The following CCDC192 variants were observed in gnomAD, a reference collection of about 807,000 sequenced individuals.
CCDC192 encodes the protein coiled-coil domain containing 192.
At chr5:127,940,151 C>T (rs941113162) in intron 6 of CCDC192, among the ~76,000 whole-genome samples, 3 of 152,142 alleles carry the variant, frequency 2.0e-5, no homozygotes, top group Admixed American at 2.0e-4. Flanking sequence ...TTTGTGGAAC[C>T]TCTCTCTGTC....
At chr5:127,778,373 T>C (rs1016558031) in intron 3 of CCDC192, among the ~76,000 whole-genome samples, 1 of 152,218 alleles carries the variant, frequency 6.6e-6, no homozygotes, top group Non-Finnish European at 1.5e-5. Context: ...GAATTGACCA[T>C]GTAGTATTTT....
intron 5 of CCDC192, among the ~76,000 whole-genome samples, chr5:127,800,376 G>GGAAA (rs1479336479): frequency 1.0e-4 from 2 of 19,512 alleles, no homozygotes; most frequent in Admixed American, 8.9e-4. Context: ...GAGGTATTCT[G>GGAAA]AAAAAAAAAA....
At chr5:127,752,762 G>T (rs1384177922) in intron 2 of CCDC192, among the ~76,000 whole-genome samples, 1 of 152,206 alleles carries the variant, frequency 6.6e-6, no homozygotes, top group African/African-American at 2.4e-5. Flanking sequence ...AGCAGTCAGC[G>T]AGACTCCGTG....
chr5:127,805,627 T>C (rs1460569814), intron 5 of CCDC192, among the ~76,000 whole-genome samples: 1 of 152,234 alleles, frequency 6.6e-6, no homozygotes, highest in Non-Finnish European at 1.5e-5. Flanking sequence ...ATTCTCTTAG[T>C]GCCACATGTA....
At chr5:127,742,536 G>C (rs1753481976) in intron 2 of CCDC192, among the ~76,000 whole-genome samples, 1 of 152,152 alleles carries the variant, frequency 6.6e-6, no homozygotes, top group Admixed American at 6.5e-5. Context: ...TTCTGGAAAG[G>C]TCACCTGATA....
chr5:127,824,106 A>G (rs919999768), intron 5 of CCDC192, among the ~76,000 whole-genome samples: 4 of 152,218 alleles, frequency 2.6e-5, no homozygotes, highest in African/African-American at 9.6e-5. Flanking sequence ...CCTTAGGGAA[A>G]TATTAGGCCT....
chr5:127,768,187 G>A (rs1056697179), intron 3 of CCDC192, among the ~76,000 whole-genome samples: 15 of 152,044 alleles, frequency 9.9e-5, no homozygotes, highest in African/African-American at 3.1e-4. Flanking sequence ...AGGAGGCAGA[G>A]GTTGCAATGA....
intron 5 of CCDC192, among the ~76,000 whole-genome samples, chr5:127,815,049 G>C (rs1748932646): frequency 1.3e-5 from 2 of 152,050 alleles, no homozygotes; most frequent in Admixed American, 6.6e-5. Flanking sequence ...ATGACAGAAG[G>C]ATCTCTCTCT....
rs544565639 is a variant in CCDC192 at position 127,846,661 on chromosome 5, G to T, written c.412-28877G>T. Reference sequence around the variant, plus strand: ...ATTTTTGTATTTCTAGTAGAAACAGGGTTTCATCATGTTGGCCAGGCTAGT... The same window carrying T: ...ATTTTTGTATTTCTAGTAGAAACAGTGTTTCATCATGTTGGCCAGGCTAGT... On this transcript the variant is annotated intron_variant, in intron 5 of 6. Transcript: ENST00000514853. 5.9e-5 allele frequency among the ~76,000 whole-genome samples: 9 copies of T among 151,748 alleles called. No homozygotes were observed. The South Asian group carries it at 1.9e-3, about 32-fold the overall frequency.
intron 2 of CCDC192, among the ~76,000 whole-genome samples, chr5:127,751,298 A>T (rs1240566890): frequency 6.6e-6 from 1 of 151,842 alleles, no homozygotes; most frequent in East Asian, 1.9e-4. Flanking sequence ...GAGCTCTTTT[A>T]GGGCAGGCCT....
chr5:127,847,921 C>T (rs776039584), intron 5 of CCDC192, among the ~76,000 whole-genome samples: 8 of 152,046 alleles, frequency 5.3e-5, no homozygotes, highest in Admixed American at 2.6e-4. Context: ...CTCAGCTTCC[C>T]GAACAGTTGG....
At chr5:127,751,397 A>T (rs1754161013) in intron 2 of CCDC192, among the ~76,000 whole-genome samples, 2 of 151,958 alleles carry the variant, frequency 1.3e-5, no homozygotes, top group Admixed American at 1.3e-4. Context: ...TGGATATGAA[A>T]TTCTGGGTTG....
chr5:127,899,252 T>C (rs193495), intron 6 of CCDC192, among the ~76,000 whole-genome samples: 106,422 of 151,980 alleles, frequency 0.7, 37,447 homozygotes, highest in African/African-American at 0.78. Context: ...CAAACAGGGA[T>C]CATTCTCTAT....
chr5:127,919,890 A>G (rs1408539988), intron 6 of CCDC192, among the ~76,000 whole-genome samples: 6 of 152,200 alleles, frequency 3.9e-5, no homozygotes, highest in Non-Finnish European at 5.9e-5. Flanking sequence ...TTGACAGAGA[A>G]TGCCACTTTC....
At chr5:127,853,397 A>G (rs1024484267) in intron 5 of CCDC192, among the ~76,000 whole-genome samples, 3 of 152,192 alleles carry the variant, frequency 2.0e-5, no homozygotes, top group Non-Finnish European at 4.4e-5. Flanking sequence ...TCCTGACTAC[A>G]TTTGCTAAAT....
At chr5:127,801,447 G>A (rs1417998327) in intron 5 of CCDC192, among the ~76,000 whole-genome samples, 1 of 151,936 alleles carries the variant, frequency 6.6e-6, no homozygotes, top group Non-Finnish European at 1.5e-5. Context: ...CCAAAGCATA[G>A]TCCCTGCCCC....
At chr5:127,731,807 C>A (rs754620097) in intron 2 of CCDC192, among the ~76,000 whole-genome samples, 1 of 152,094 alleles carries the variant, frequency 6.6e-6, no homozygotes, top group Non-Finnish European at 1.5e-5. Flanking sequence ...TAGCCATATG[C>A]AGAAAATTGA....
At chr5:127,747,473 A>T (rs1395684824) in intron 2 of CCDC192, among the ~76,000 whole-genome samples, 2 of 152,090 alleles carry the variant, frequency 1.3e-5, no homozygotes, top group Admixed American at 6.6e-5. Context: ...TCCATGGTGT[A>T]TATGTGCCAC....
chr5:127,813,862 G>A (rs1232665160), intron 5 of CCDC192, among the ~76,000 whole-genome samples: 1 of 152,150 alleles, frequency 6.6e-6, no homozygotes, highest in African/African-American at 2.4e-5. Flanking sequence ...TTGTGTTATA[G>A]GAACTAAGAA....
Sources: gnomAD v4.1 joint callset for allele counts (sites outside exome capture counted in the v4.1 genomes callset) on GRCh38, gnomAD v4.1.1 for gene constraint, MANE v1.5 for transcripts, NCBI Gene and HGNC (gene_info 2026-07-23, HGNC 2026-07-21) for gene names.